ITSN1: variants seen among roughly 807,000 people sequenced by gnomAD.
ITSN1 encodes the protein intersectin 1, also known as intersectin-1.
ITSN1 carries 58 observed loss-of-function variants against 239.8 expected under a neutral mutation model. That is an observed-to-expected ratio of 0.24 (90% CI 0.20 to 0.30). The LOEUF (loss-of-function observed/expected upper bound fraction) is 0.30, where lower values mean the gene tolerates loss of function less well. ITSN1 is among the 10% of genes least tolerant of loss of function. The pLI, the probability that ITSN1 is intolerant of heterozygous loss-of-function variation, is 1.00. For synonymous variants in ITSN1, 780 were observed against 770.8 expected (o/e 1.01, Z -0.20); for missense variants, 1,558 against 2,103.3 (o/e 0.74, Z 5.07).
At chr21:33,750,394 T>A (rs2067471427) in intron 6 of ITSN1, 72 bp downstream of exon 6, 1 of 1,329,666 alleles carries the variant, frequency 7.5e-7, no homozygotes, top group Middle Eastern at 2.6e-4. Context: ...TAAAATATTT[T>A]CTCTTCACGT....
chr21:33,886,640 A>G (rs896013525), intron 39 of ITSN1, among the ~76,000 whole-genome samples, 180 bp downstream of exon 39: 1 of 152,198 alleles, frequency 6.6e-6, no homozygotes, highest in East Asian at 1.9e-4. Context: ...GAGGCGTCTC[A>G]TTGCATGTGG....
intron 29 of ITSN1, among the ~76,000 whole-genome samples, chr21:33,841,656 CG>C (rs2074827705): frequency 6.6e-6 from 1 of 152,168 alleles, no homozygotes; most frequent in African/African-American, 2.4e-5. Context: ...CAGCACAGGG[CG>C]GGGGCAACAC....
chr21:33,875,404 C>A lies in ITSN1; in HGVS notation c.4224C>A (p.His1408Gln), dbSNP rs755469594. 27 of 1,614,014 alleles carry A rather than the reference C, an allele frequency of 1.7e-5. No individual in the cohort carries two copies. The highest frequency in any genetic ancestry group is 2.1e-5 in the Non-Finnish European group (25 of 1,180,012). The change falls in exon 34 of 40, where the codon CAC (histidine) becomes CAA (glutamine). Residue 1408 changes from histidine (H) to glutamine (Q), a missense_variant. Coordinates refer to ENST00000381318, the MANE Select transcript of ITSN1 (RefSeq NM_003024.3). ...ENHPDHSHLK[H>Q]ALEKAEELCS... ...ACCCGGACCACAGCCACTTGAAGCA[C>A]GCCCTGGAGAAGGCGGAAGAGCTCT...
intron 1 of ITSN1, among the ~76,000 whole-genome samples, chr21:33,679,588 T>C (rs747418930): frequency 1.3e-5 from 2 of 152,170 alleles, no homozygotes; most frequent in Non-Finnish European, 2.9e-5. Context: ...GCTTTCTTTG[T>C]GGATTATAGG....
intron 5 of ITSN1, 147 bp downstream of exon 5, chr21:33,735,351 T>C (rs771494453): frequency 1.2e-6 from 1 of 815,436 alleles, no homozygotes; most frequent in South Asian, 1.4e-5. Flanking sequence ...AGGAAGATAG[T>C]GCTGGGGAGA....
intron 25 of ITSN1, among the ~76,000 whole-genome samples, chr21:33,824,096 G>T (rs1449248731): frequency 1.3e-5 from 2 of 152,210 alleles, no homozygotes; most frequent in Admixed American, 6.5e-5. Context: ...AAAGTTTTTA[G>T]AATTTCTGGT....
chr21:33,652,041 A>ACTGCAACCTCTGCCTCCCGGGTTCAAGT (rs1568842941), intron 1 of ITSN1, among the ~76,000 whole-genome samples: 2 of 152,212 alleles, frequency 1.3e-5, no homozygotes, highest in African/African-American at 4.8e-5. Context: ...TAAGGAAAGA[A>ACTGCAACCTCTGCCTCCCGGGTTCAAGT]GACTAAAAGC....
intron 34 of ITSN1, 96 bp downstream of exon 34, chr21:33,875,617 C>A: frequency 8.8e-7 from 1 of 1,130,178 alleles, no homozygotes; most frequent in East Asian, 2.5e-5. Flanking sequence ...ATTCTCCTCC[C>A]CAGCCGATAG....
chr21:33,653,023 C>G (rs975722716), intron 1 of ITSN1, among the ~76,000 whole-genome samples: 5 of 144,856 alleles, frequency 3.5e-5, no homozygotes, highest in African/African-American at 1.3e-4. Flanking sequence ...TTGACAGAGT[C>G]GTGTTTTGTT....
At chr21:33,739,998 T>C (rs753647883) in intron 5 of ITSN1, among the ~76,000 whole-genome samples, 1 of 152,196 alleles carries the variant, frequency 6.6e-6, no homozygotes, top group Non-Finnish European at 1.5e-5. Flanking sequence ...ATTAGATTCA[T>C]TCTAGCCTGT....
intron 1 of ITSN1, among the ~76,000 whole-genome samples, chr21:33,683,013 C>T (rs1411262029): frequency 6.6e-6 from 1 of 152,032 alleles, no homozygotes; most frequent in Non-Finnish European, 1.5e-5. Flanking sequence ...TCTTGAATTT[C>T]CTCCTTCAAA....
intron 16 of ITSN1, among the ~76,000 whole-genome samples, chr21:33,791,424 G>A (rs937189076): frequency 1.4e-4 from 21 of 152,172 alleles, no homozygotes; most frequent in Middle Eastern, 3.4e-3. Flanking sequence ...TCCTAAGATC[G>A]GTTCAAATAC....
Position 33,735,208 on chromosome 21 carries a change from A to C in ITSN1, c.346+4A>C, listed in dbSNP as rs1181877458. ...ATTTCTAGCGCACCAGCATTTGGTAAGTCTGAAAATGAATTGGTTTCTGTA... is the reference window on the plus strand; with the variant it reads ...ATTTCTAGCGCACCAGCATTTGGTACGTCTGAAAATGAATTGGTTTCTGTA... On this transcript the variant is annotated splice_donor_region_variant and intron_variant, in intron 5 of 39. Transcript: ENST00000381318. 3.1e-6 allele frequency: 5 copies of C among 1,610,990 alleles called. No homozygotes were observed. The highest frequency in any genetic ancestry group is 1.3e-5 in the African/African-American group (1 of 74,740).
rs566595062 is a variant in ITSN1, at chr21:33,855,382, C to G, written c.3662-1354C>G. Among the ~76,000 whole-genome samples the G allele has an allele frequency of 1.9e-4, 29 of 152,358 alleles. 1 individual carries two copies. In the South Asian group the frequency reaches 3.1e-3, roughly 16 times the overall value. ...CTGGTCCCCAGCAGGGGGTTTTGCACTGTGCTCCATTGTGCCCCCTTGAGG... is the reference window on the plus strand; with the variant it reads ...CTGGTCCCCAGCAGGGGGTTTTGCAGTGTGCTCCATTGTGCCCCCTTGAGG... On this transcript the variant is annotated intron_variant, in intron 29 of 39. Transcript: ENST00000381318.
At chr21:33,687,789 T>G (rs979282985) in intron 1 of ITSN1, among the ~76,000 whole-genome samples, 2 of 152,232 alleles carry the variant, frequency 1.3e-5, no homozygotes, top group Admixed American at 1.3e-4. Context: ...TTTTAAAAGA[T>G]GCTTAACAAA....
intron 1 of ITSN1, among the ~76,000 whole-genome samples, chr21:33,701,857 C>T (rs2092026270): frequency 6.6e-6 from 1 of 151,184 alleles, no homozygotes; most frequent in Non-Finnish European, 1.5e-5. Flanking sequence ...TGCCTGAGCT[C>T]AGGAGTTCCA....
At chr21:33,650,010 C>A (rs2088358761) in intron 1 of ITSN1, among the ~76,000 whole-genome samples, 1 of 143,168 alleles carries the variant, frequency 7.0e-6, no homozygotes, top group Admixed American at 7.2e-5. Context: ...GCCTTGGCGA[C>A]AGAGCGAGAC....
intron 29 of ITSN1, chr21:33,837,665 C>T: frequency 1.0e-6 from 1 of 985,882 alleles, no homozygotes; most frequent in Non-Finnish European, 1.2e-6. Flanking sequence ...ACATCCTGTA[C>T]ATAAGAAATT....
intron 20 of ITSN1, 186 bp from the exon 21 acceptor site, chr21:33,810,789 T>C (rs2072847958): frequency 2.6e-6 from 2 of 774,866 alleles, no homozygotes; most frequent in Admixed American, 1.9e-5. Context: ...GCTTGAATTA[T>C]AGTGCATTTT....
Sources: gnomAD v4.1 joint callset for allele counts (sites outside exome capture counted in the v4.1 genomes callset) on GRCh38, gnomAD v4.1.1 for gene constraint, MANE v1.5 for transcripts, NCBI Gene and HGNC (gene_info 2026-07-23, HGNC 2026-07-21) for gene names.